REDIC1: variants seen among roughly 807,000 people sequenced by gnomAD.
REDIC1 encodes the protein regulator of DNA class I crossover intermediates 1.
chr12:39,651,712 T>C, the REDIC1 span, among the ~76,000 whole-genome samples: 3 of 152,190 alleles, frequency 2.0e-5, no homozygotes, highest in African/African-American at 7.2e-5. Context: ...TTTTTTGTTC[T>C]GAGATACATT....
At chr12:39,760,877 C>T in the REDIC1 span, among the ~76,000 whole-genome samples, 1 of 146,284 alleles carries the variant, frequency 6.8e-6, no homozygotes, top group Admixed American at 6.9e-5. Context: ...ATATTCTCTA[C>T]ACATTTCCAA....
chr12:39,817,475 T>C, the REDIC1 span, among the ~76,000 whole-genome samples: 1 of 149,006 alleles, frequency 6.7e-6, no homozygotes, highest in Non-Finnish European at 1.5e-5. Flanking sequence ...ACTCCTTATT[T>C]AGTGCAGAGA....
At chr12:39,842,478 C>T in the REDIC1 span, among the ~76,000 whole-genome samples, 1 of 152,008 alleles carries the variant, frequency 6.6e-6, no homozygotes, top group Non-Finnish European at 1.5e-5. Context: ...TAACATGTGA[C>T]ACTCTGATAG....
At chr12:39,808,359 C>T in the REDIC1 span, among the ~76,000 whole-genome samples, 1 of 151,730 alleles carries the variant, frequency 6.6e-6, no homozygotes, top group Non-Finnish European at 1.5e-5. Flanking sequence ...GTTGAAGTAA[C>T]ATCTACGTAA....
At chr12:39,626,691 C>T in the REDIC1 span, among the ~76,000 whole-genome samples, 4 of 151,886 alleles carry the variant, frequency 2.6e-5, no homozygotes, top group African/African-American at 9.7e-5. Flanking sequence ...TCCCCTACTG[C>T]CTTCTTTCCG....
chr12:39,744,209 T>A, the REDIC1 span, among the ~76,000 whole-genome samples: 1 of 152,180 alleles, frequency 6.6e-6, no homozygotes, highest in South Asian at 2.1e-4. Flanking sequence ...TCCAACAATC[T>A]AAAATTCTGT....
At chr12:39,714,099 A>ATATATGTG in the REDIC1 span, among the ~76,000 whole-genome samples, 1 of 150,264 alleles carries the variant, frequency 6.7e-6, no homozygotes, top group Non-Finnish European at 1.5e-5. Flanking sequence ...ATGTACATGT[A>ATATATGTG]TATACGTATG....
At chr12:39,745,527 A>G in the REDIC1 span, among the ~76,000 whole-genome samples, 3 of 152,354 alleles carry the variant, frequency 2.0e-5, no homozygotes, top group East Asian at 5.8e-4. Context: ...GGATAGAATG[A>G]AATCATGTAC....
At chr12:39,805,297 C>T in the REDIC1 span, among the ~76,000 whole-genome samples, 4 of 152,296 alleles carry the variant, frequency 2.6e-5, no homozygotes, top group East Asian at 5.8e-4. Context: ...AGTGTGGCTG[C>T]TCTGCTTTGC....
chr12:39,816,204 T>C, the REDIC1 span, among the ~76,000 whole-genome samples: 1 of 152,154 alleles, frequency 6.6e-6, no homozygotes, highest in Non-Finnish European at 1.5e-5. Context: ...GATTCTCAAA[T>C]TAGCACAGGT....
At chr12:39,729,133 A>C in the REDIC1 span, among the ~76,000 whole-genome samples, 1 of 152,010 alleles carries the variant, frequency 6.6e-6, no homozygotes, top group Non-Finnish European at 1.5e-5. Context: ...TGAGTTTTTG[A>C]AGGGTTTTTC....
chr12:39,765,754 C>T, the REDIC1 span, among the ~76,000 whole-genome samples: 1 of 152,060 alleles, frequency 6.6e-6, no homozygotes. Flanking sequence ...TTCCAGGACA[C>T]ATGCACAGGA....
chr12:39,834,590 A>G, the REDIC1 span, among the ~76,000 whole-genome samples: 1 of 152,048 alleles, frequency 6.6e-6, no homozygotes, highest in African/African-American at 2.4e-5. Flanking sequence ...CTGCCCCTCC[A>G]TACCATTTCG....
At chr12:39,643,698 A>T in the REDIC1 span, 47 of 1,021,458 alleles carry the variant, frequency 4.6e-5, no homozygotes, top group South Asian at 5.1e-4. Context: ...TGACTTAATA[A>T]CATGATTGCT....
At chr12:39,816,076 A>G in the REDIC1 span, among the ~76,000 whole-genome samples, 2 of 152,164 alleles carry the variant, frequency 1.3e-5, no homozygotes, top group Non-Finnish European at 2.9e-5. Context: ...GAGGCACATA[A>G]TATGTTCTGG....
the REDIC1 span, among the ~76,000 whole-genome samples, chr12:39,699,738 A>T: frequency 6.6e-6 from 1 of 152,228 alleles, no homozygotes; most frequent in Non-Finnish European, 1.5e-5. Context: ...GCACGCAGCT[A>T]GAGATCTGAG....
At chr12:39,886,999 T>C in the REDIC1 span, among the ~76,000 whole-genome samples, 2 of 152,214 alleles carry the variant, frequency 1.3e-5, no homozygotes, top group African/African-American at 4.8e-5. Context: ...CTAAACATTT[T>C]AGGGTATAAT....
At chr12:39,892,558 G>C in the REDIC1 span, among the ~76,000 whole-genome samples, 3 of 152,018 alleles carry the variant, frequency 2.0e-5, no homozygotes, top group Non-Finnish European at 4.4e-5. Context: ...TAATTTCACT[G>C]CTTTCTTGGT....
At chr12:39,680,104 A>C in the REDIC1 span, among the ~76,000 whole-genome samples, 1 of 152,214 alleles carries the variant, frequency 6.6e-6, no homozygotes, top group Non-Finnish European at 1.5e-5. Context: ...AACCAAAAGC[A>C]AATGCAACAA....
Sources: allele counts gnomAD v4.1 joint callset (sites outside exome capture counted in the v4.1 genomes callset), GRCh38; gene constraint gnomAD v4.1.1; transcripts MANE v1.5; gene names NCBI Gene and HGNC (gene_info 2026-07-23, HGNC 2026-07-21).